Variants in TMEM201 observed in about 807,000 individuals in gnomAD.
TMEM201 encodes the protein RP13-15M17.2.
TMEM201 carries 26 observed loss-of-function variants against 63.4 expected under a neutral mutation model. The observed-to-expected ratio is 0.41, with a 90% confidence interval of 0.30 to 0.57. TMEM201 has a LOEUF of 0.57. Ranked by LOEUF, TMEM201 falls within the 20% of genes least tolerant of loss-of-function variation. The pLI, the probability that TMEM201 is intolerant of heterozygous loss-of-function variation, is 0.29. For synonymous variants in TMEM201, 417 were observed against 421.6 expected, an observed-to-expected ratio of 0.99 and a Z score of 0.14; for missense variants, 794 against 917.7, an observed-to-expected ratio of 0.87 and a Z score of 1.74.
In TMEM201 at chr1:9,614,531, G is replaced by A. The variant is rs970742078; in HGVS notation, c.*1448G>A. On this transcript the variant is annotated 3_prime_UTR_variant, in exon 11 of 11. Coordinates refer to ENST00000340381, the MANE Select transcript of TMEM201 (RefSeq NM_001130924.3). The stretch of plus-strand genomic sequence containing the variant: ...GAATGGGGGCCCCAGGACAGCATCA[G>A]GACTTTTGAGTCCAGCTGCCAGCAA... The A allele has an allele frequency of 6.6e-6, 1 of 152,206 alleles. No homozygotes were observed. The highest frequency in any genetic ancestry group is 1.5e-5 in the Non-Finnish European group (1 of 68,050). 9.4% of individuals were successfully genotyped at this position (152,206 alleles called of 1,614,324 possible). A position where few individuals can be genotyped will look rare whatever the true frequency, so the allele number is the denominator to read the frequency against.
chr1:9,606,339 A>G (rs1028066409), intron 6 of TMEM201: 1 of 152,270 alleles, frequency 6.6e-6, no homozygotes, highest in African/African-American at 2.4e-5. Flanking sequence ...CACATTCGCC[A>G]AACATGGCCT....
Position 9,610,729 on chromosome 1 carries a change from C to T in TMEM201, c.1689C>T (p.His563=), listed in dbSNP as rs1438785998. The change falls in exon 9 of 11, where the codon CAC becomes CAT. Residue 563 remains histidine, a synonymous_variant. Transcript: ENST00000340381. The surrounding 1 kb of genome is among the most constrained non-coding windows in gnomAD (Gnocchi z 4.9). The part of the protein sequence containing the change: ...TPSSSDEHSP[H]NGSLFTMEPP... ...GCAGCTCCGATGAGCACTCGCCTCA[C>T]AACGGCAGCCTCTTCACCATGGAGC... 6.4e-6 allele frequency: 10 copies of T among 1,550,404 alleles called. No homozygotes were observed. In the East Asian group the frequency reaches 2.2e-4, roughly 34 times the overall value.
At chr1:9,597,640 C>T (rs930074253) in intron 3 of TMEM201, among the ~76,000 whole-genome samples, 6 of 152,192 alleles carry the variant, frequency 3.9e-5, no homozygotes, top group Non-Finnish European at 5.9e-5. Flanking sequence ...TTCCTGCCCT[C>T]GGCCAGCCCA....
chr1:9,613,024 G>A lies in TMEM201; in HGVS notation c.1942G>A (p.Val648Met), dbSNP rs1045017558. 3.2e-6 allele frequency: 5 copies of A among 1,551,504 alleles called. No individual in the cohort carries two copies. Among genetic ancestry groups the A allele is most frequent in the African/African-American group, 1.4e-5 (1 of 73,172 alleles). The change falls in exon 11 of 11, where the codon GTG (valine) becomes ATG (methionine). Residue 648 changes from valine to methionine, a missense_variant. By Grantham distance (21) the Val-to-Met change is conservative. Coordinates refer to ENST00000340381, the MANE Select transcript of TMEM201 (RefSeq NM_001130924.3). ...GPSLVRGLLA[V>M]SLAANALFTS... ...TTCCCTGGTCCGGGGCCTCCTGGCC[G>A]TGAGCTTGGCCGCCAACGCCCTGTT...
Position 9,604,596 on chromosome 1 carries a change from G to C in TMEM201, c.1160+2324G>C, listed in dbSNP as rs1021811943. The C allele has an allele frequency of 1.0e-6, 1 of 985,348 alleles. No homozygotes were observed. Among genetic ancestry groups the C allele is most frequent in the Non-Finnish European group, 1.2e-6 (1 of 829,932 alleles). 61.0% of individuals were successfully genotyped at this position (985,348 alleles called of 1,614,324 possible). A position where few individuals can be genotyped will look rare whatever the true frequency, so the allele number is the denominator to read the frequency against. On this transcript the variant is annotated intron_variant, in intron 6 of 10. Transcript: ENST00000340381. The surrounding 1 kb of genome is among the most constrained non-coding windows in gnomAD (Gnocchi z 4.1). The stretch of plus-strand genomic sequence containing the variant: ...TGGCCATCAGACCTTCTAGGGTCTG[G>C]CTGGGGTCATCCTAGGTATGGGTGA...
rs1461823241 is a variant in TMEM201 at position 9,614,624 on chromosome 1, G to A, written c.*1541G>A. 1 of 151,982 alleles carries A rather than the reference G, an allele frequency of 6.6e-6. No individual in the cohort carries two copies. The highest frequency in any genetic ancestry group is 2.1e-4 in the South Asian group (1 of 4,826). The allele number at this position is 151,982 out of a possible 1,614,324, so 9.4% of individuals were successfully genotyped here. On this transcript the variant is annotated 3_prime_UTR_variant, in exon 11 of 11. Coordinates refer to ENST00000340381, the MANE Select transcript of TMEM201 (RefSeq NM_001130924.3). The stretch of plus-strand genomic sequence containing the variant: ...TATAGCAGGCGTGTGTGTGTGTGTC[G>A]AGGTTTTTTATTTTTTGCTTAATCA...
chr1:9,603,753 A>C lies in TMEM201; in HGVS notation c.1160+1481A>C. The C allele has an allele frequency of 1.0e-6, 1 of 985,420 alleles. No individual in the cohort carries two copies. The highest frequency in any genetic ancestry group is 1.2e-6 in the Non-Finnish European group (1 of 829,928). The allele number at this position is 985,420 out of a possible 1,614,324, so 61.0% of individuals were successfully genotyped here. On this transcript the variant is annotated intron_variant, in intron 6 of 10. Coordinates refer to ENST00000340381, the MANE Select transcript of TMEM201 (RefSeq NM_001130924.3). This position sits in a 1 kb window ranked among gnomAD's most constrained non-coding sequence, Gnocchi z 4.5. ...CCCCAGTGATTGGGTAGCAGCTCAC[A>C]TCCCACCCAGCTTCACAAGTGAGGA...
intron 9 of TMEM201, chr1:9,611,020 C>G: frequency 6.5e-7 from 1 of 1,530,562 alleles, no homozygotes; most frequent in Non-Finnish European, 8.7e-7. Flanking sequence ...TGCAGTTGAC[C>G]TTCAGGGTCC....
chr1:9,602,066 C>G lies in TMEM201; in HGVS notation c.957-3C>G. The G allele has an allele frequency of 6.2e-7, 1 of 1,608,868 alleles. No individual in the cohort carries two copies. Among genetic ancestry groups the G allele is most frequent in the Non-Finnish European group, 8.5e-7 (1 of 1,177,184 alleles). On this transcript the variant is annotated splice_region_variant and splice_polypyrimidine_tract_variant and intron_variant, in intron 5 of 10. Coordinates refer to ENST00000340381, the MANE Select transcript of TMEM201 (RefSeq NM_001130924.3). ...TGGGGTGACCCCGCTGCTTCCCTTTCAGGCTCCGGAGGATCGATGCCTTCT... is the reference window on the plus strand; with the variant it reads ...TGGGGTGACCCCGCTGCTTCCCTTTGAGGCTCCGGAGGATCGATGCCTTCT...
Position 9,604,747 on chromosome 1 carries a change from C to T in TMEM201, c.1160+2475C>T, listed in dbSNP as rs568571533. On this transcript the variant is annotated intron_variant, in intron 6 of 10. Transcript: ENST00000340381. This position sits in a 1 kb window ranked among gnomAD's most constrained non-coding sequence, Gnocchi z 4.1. ...GCAAACCGCCAGGACGCAGCCTCCA[C>T]GCCGCACCTGCCACATTCAGCCCTG... The T allele has an allele frequency of 3.9e-3, 3,864 of 986,040 alleles. 7 individuals carry two copies. Among genetic ancestry groups the T allele is most frequent in the Non-Finnish European group, 4.3e-3 (3,536 of 830,050 alleles). 61.1% of individuals were successfully genotyped at this position (986,040 alleles called of 1,614,324 possible).
At chr1:9,602,367 CT>C in intron 6 of TMEM201, 95 bp downstream of exon 6, 1 of 1,527,122 alleles carries the variant, frequency 6.5e-7, no homozygotes. Flanking sequence ...TGTCCTGCCT[CT>C]TTTCACCTGC....
rs1644350880 is a variant in TMEM201, at chr1:9,613,322, G to A, written c.*239G>A. The A allele has an allele frequency of 3.5e-6, 2 of 569,482 alleles. No individual in the cohort carries two copies. The highest frequency in any genetic ancestry group is 6.3e-6 in the Non-Finnish European group (2 of 318,238). The allele number at this position is 569,482 out of a possible 1,614,324, so 35.3% of individuals were successfully genotyped here. On this transcript the variant is annotated 3_prime_UTR_variant, in exon 11 of 11. Coordinates refer to ENST00000340381, the MANE Select transcript of TMEM201 (RefSeq NM_001130924.3). ...CACCTCCTTGGCTGACATCGGTTGT[G>A]TTTGGTGCTGACACTCTGATCCCGA...
At position 9,588,995 on chromosome 1, in the gene TMEM201, T is replaced by C. The variant is rs914441616; in HGVS notation, c.65T>C (p.Val22Ala). The C allele has an allele frequency of 1.8e-4, 217 of 1,197,352 alleles. No individual in the cohort carries two copies. Among genetic ancestry groups the C allele is most frequent in the Non-Finnish European group, 2.1e-4 (201 of 958,062 alleles). 74.2% of individuals were successfully genotyped at this position (1,197,352 alleles called of 1,614,324 possible). A position where few individuals can be genotyped will look rare whatever the true frequency, so the allele number is the denominator to read the frequency against. Residue 22 changes from valine (V) to alanine (A), a missense_variant, in exon 1 of 11, where the codon GTC becomes GCC. Val to Ala is a moderately conservative substitution (Grantham distance 64). Coordinates refer to ENST00000340381, the MANE Select transcript of TMEM201 (RefSeq NM_001130924.3). ...GCCGGCCTGGCCGGCGGCCTGGGGGTCACGGCGTGCGCCGCGGCCGGCGTG... is the reference window on the plus strand; with the variant it reads ...GCCGGCCTGGCCGGCGGCCTGGGGGCCACGGCGTGCGCCGCGGCCGGCGTG... ...PTAGLAGGLGVTACAAAGVLL... is the reference protein window; with the variant it reads ...PTAGLAGGLGATACAAAGVLL...
intron 3 of TMEM201, among the ~76,000 whole-genome samples, 161 bp downstream of exon 3, chr1:9,597,214 T>C (rs563392141): frequency 1.2e-4 from 19 of 152,370 alleles, no homozygotes; most frequent in African/African-American, 4.6e-4. Flanking sequence ...CCCCTCATCC[T>C]TGCCACTGCC....
chr1:9,607,596 C>T lies in TMEM201; in HGVS notation c.1200C>T (p.Ser400=), dbSNP rs1305665078. 4.5e-6 allele frequency: 7 copies of T among 1,551,538 alleles called. No homozygotes were observed. The highest frequency in any genetic ancestry group is 6.1e-6 in the Non-Finnish European group (7 of 1,146,932). The stretch of plus-strand genomic sequence containing the variant: ...ACTCTGCCGGCCTTTTCCCCACCAG[C>T]CCCAGCTTGGCCATCCCTCACCCGA... ...PGDSAGLFPT[S]PSLAIPHPSV... Residue 400 remains serine (S), a synonymous_variant, in exon 7 of 11, where the codon AGC becomes AGT. Transcript: ENST00000340381. This position sits in a 1 kb window ranked among gnomAD's most constrained non-coding sequence, Gnocchi z 5.4.
In TMEM201 at chr1:9,614,294, T is replaced by C. The variant is rs1365191032; in HGVS notation, c.*1211T>C. 1 of 151,980 alleles carries C rather than the reference T, an allele frequency of 6.6e-6. No individual in the cohort carries two copies. Among genetic ancestry groups the C allele is most frequent in the Non-Finnish European group, 1.5e-5 (1 of 67,982 alleles). The allele number at this position is 151,980 out of a possible 1,614,324, so 9.4% of individuals were successfully genotyped here. On this transcript the variant is annotated 3_prime_UTR_variant, in exon 11 of 11. Coordinates refer to ENST00000340381, the MANE Select transcript of TMEM201 (RefSeq NM_001130924.3). ...AAGTTTAATTTTATTTTTCTACACA[T>C]TTTGCCAGGTCAGGCATTTTGCTAG...
In TMEM201 at chr1:9,604,276, C is replaced by T. The variant is rs897731923; in HGVS notation, c.1160+2004C>T. 7.1e-6 allele frequency: 7 copies of T among 985,306 alleles called. No individual in the cohort carries two copies. Among genetic ancestry groups the T allele is most frequent in the African/African-American group, 5.2e-5 (3 of 57,228 alleles). 61.0% of individuals were successfully genotyped at this position (985,306 alleles called of 1,614,324 possible). On this transcript the variant is annotated intron_variant, in intron 6 of 10. Transcript: ENST00000340381. This position sits in a 1 kb window ranked among gnomAD's most constrained non-coding sequence, Gnocchi z 4.1. ...TTATAATAACCAGAGCCAGCCCTCG[C>T]GCTGGCCAGGATCCTCCTGCCGAGC... is the stretch of plus-strand genomic sequence containing the variant.
Position 9,607,619 on chromosome 1 carries a change from C to G in TMEM201, c.1223C>G (p.Pro408Arg). The change falls in exon 7 of 11, where the codon CCG (proline) becomes CGG (arginine). Residue 408 changes from proline (P) to arginine (R), a missense_variant. By Grantham distance (103) the Pro-to-Arg change is moderately radical. Coordinates refer to ENST00000340381, the MANE Select transcript of TMEM201 (RefSeq NM_001130924.3). The surrounding 1 kb of genome is among the most constrained non-coding windows in gnomAD (Gnocchi z 5.4). The stretch of plus-strand genomic sequence containing the variant: ...AGCCCCAGCTTGGCCATCCCTCACC[C>G]GAGTGTCGGAGGCTCTCCAGCGTCT... ...PTSPSLAIPHPSVGGSPASLF... is the reference protein window; with the variant it reads ...PTSPSLAIPHRSVGGSPASLF... The G allele has an allele frequency of 1.3e-6, 2 of 1,551,806 alleles. No individual in the cohort carries two copies. The highest frequency in any genetic ancestry group is 1.7e-6 in the Non-Finnish European group (2 of 1,147,048).
rs747278310 is a variant in TMEM201, at chr1:9,610,698, C to T, written c.1658C>T (p.Thr553Met). 1.1e-5 allele frequency: 17 copies of T among 1,550,432 alleles called. No individual in the cohort carries two copies. Among genetic ancestry groups the T allele is most frequent in the Middle Eastern group, 1.7e-4 (1 of 6,014 alleles). Residue 553 changes from threonine to methionine, a missense_variant, in exon 9 of 11, where the codon ACG (threonine) becomes ATG (methionine). Transcript: ENST00000340381. This position sits in a 1 kb window ranked among gnomAD's most constrained non-coding sequence, Gnocchi z 4.9. ...FPSPPGEAPT[T>M]PSSSDEHSPH... ...TCACCCCCTGGAGAGGCCCCCACCA[C>T]GCCCAGCAGCTCCGATGAGCACTCG...
Sources: gnomAD v4.1 joint callset for allele counts (sites outside exome capture counted in the v4.1 genomes callset) on GRCh38, gnomAD v4.1.1 for gene constraint, Gnocchi (gnomAD v3.1) non-coding constraint, MANE v1.5 for transcripts, NCBI Gene and HGNC (gene_info 2026-07-23, HGNC 2026-07-21) for gene names.